TRAK1: variants seen among roughly 807,000 people sequenced by gnomAD.
The protein encoded by TRAK1 is trafficking kinesin-binding protein 1.
In TRAK1, 33 loss-of-function variants were observed where a neutral mutation model predicts 92.1. The observed-to-expected ratio is 0.36, with a 90% CI of 0.27 to 0.48. The LOEUF (loss-of-function observed/expected upper bound fraction) is 0.48. TRAK1 is among the 20% of genes least tolerant of loss of function. TRAK1 has a pLI of 0.99. For missense variants in TRAK1, 1,123 were observed against 1,257.9 expected, an observed-to-expected ratio of 0.89 and a Z score of 1.62; for synonymous variants, 521 against 517.3, an observed-to-expected ratio of 1.01 and a Z score of -0.10.
intron 1 of TRAK1, among the ~76,000 whole-genome samples, chr3:42,068,759 G>GTC (rs1362713537): frequency 6.6e-6 from 1 of 152,228 alleles, no homozygotes; most frequent in Non-Finnish European, 1.5e-5. Flanking sequence ...AGTGGTAACT[G>GTC]TAGAGCAGTC....
At chr3:42,156,646 GAATTAGA>G (rs1304420721) in intron 2 of TRAK1, among the ~76,000 whole-genome samples, 1 of 152,166 alleles carries the variant, frequency 6.6e-6, no homozygotes, top group Non-Finnish European at 1.5e-5. Context: ...TGGAATGATG[GAATTAGA>G]AATTAGAAAT....
chr3:42,084,745 A>G (rs1704593095), upstream of TRAK1, among the ~76,000 whole-genome samples: 1 of 150,998 alleles, frequency 6.6e-6, no homozygotes, highest in South Asian at 2.1e-4. Flanking sequence ...CTAGTGAGGC[A>G]GCTTATCCAT....
chr3:42,110,132 A>ATATATATATATAT (rs58099544), intron 1 of TRAK1, among the ~76,000 whole-genome samples: 203 of 127,930 alleles, frequency 1.6e-3, no homozygotes, highest in African/African-American at 2.0e-3. Flanking sequence ...ATATATATAT[A>ATATATATATATAT]AACTTTGTGT....
intron 1 of TRAK1, among the ~76,000 whole-genome samples, chr3:42,016,356 CA>C (rs757892827): frequency 1.9e-4 from 29 of 152,168 alleles, no homozygotes; most frequent in Non-Finnish European, 3.8e-4. Flanking sequence ...AGGCACCTGC[CA>C]CCACGCCCAG....
intron 1 of TRAK1, among the ~76,000 whole-genome samples, chr3:42,031,258 C>T (rs971068275): frequency 2.0e-5 from 3 of 151,456 alleles, no homozygotes; most frequent in African/African-American, 2.4e-5. Flanking sequence ...AGGCTGGTCT[C>T]GAACGCCTGA....
intron 2 of TRAK1, chr3:42,145,605 CAA>C (rs1185181642): frequency 6.6e-6 from 1 of 152,474 alleles, no homozygotes; most frequent in Admixed American, 6.5e-5. Context: ...TGCTGAAACT[CAA>C]AAACATGTTG....
chr3:42,074,840 C>G (rs573265890), intron 1 of TRAK1, among the ~76,000 whole-genome samples: 1 of 152,178 alleles, frequency 6.6e-6, no homozygotes, highest in African/African-American at 2.4e-5. Context: ...CAATCCTCAC[C>G]CTCCTCCTAC....
intron 1 of TRAK1, among the ~76,000 whole-genome samples, chr3:42,122,489 C>T (rs72869926): frequency 0.02 from 3,112 of 152,196 alleles, 113 homozygotes; most frequent in African/African-American, 0.071. Flanking sequence ...GCACTGCCTT[C>T]TGTGGAGCTG....
In TRAK1 at chr3:42,106,222, G is replaced by A. The variant is rs545018175; in HGVS notation, c.91+14662G>A. Among the ~76,000 whole-genome samples the A allele has an allele frequency of 5.0e-4, 76 of 152,240 alleles. 1 individual carries two copies. The South Asian group carries it at 0.016, about 31-fold the overall frequency. On this transcript the variant is annotated intron_variant, in intron 1 of 15. Coordinates refer to ENST00000327628, the MANE Select transcript of TRAK1 (RefSeq NM_001042646.3). ...ATGCCCCAATTAAAAGACACAGACT[G>A]GCAAATTGGATAAAGAGTCAAGACC...
intron 1 of TRAK1, among the ~76,000 whole-genome samples, chr3:42,028,577 A>G (rs1702002794): frequency 2.0e-5 from 3 of 152,152 alleles, no homozygotes; most frequent in African/African-American, 7.2e-5. Context: ...CAGAGATTGA[A>G]TGGGGATTGA....
At chr3:42,039,042 G>A (rs72867932) in intron 1 of TRAK1, among the ~76,000 whole-genome samples, 15,612 of 151,834 alleles carry the variant, frequency 0.1, 2,745 homozygotes, top group African/African-American at 0.36. Flanking sequence ...TTTATCCCAC[G>A]TAAAACATAA....
intron 11 of TRAK1, 31 bp from the exon 12 acceptor site, chr3:42,200,787 C>T (rs1424854434): frequency 6.2e-7 from 1 of 1,609,858 alleles, no homozygotes; most frequent in Admixed American, 1.7e-5. Flanking sequence ...CCCGCATTTG[C>T]TCACTCACGG....
intron 12 of TRAK1, among the ~76,000 whole-genome samples, chr3:42,201,857 C>CGGAT (rs770838419): frequency 0.021 from 312 of 14,896 alleles, 6 homozygotes; most frequent in Non-Finnish European, 0.034. Context: ...AGAACCTGGA[C>CGGAT]GGACGGACGG....
chr3:42,210,172 C>CAGAGT (rs1221289736), intron 14 of TRAK1, 187 bp downstream of exon 14: 2 of 1,587,470 alleles, frequency 1.3e-6, no homozygotes, highest in African/African-American at 2.7e-5. Context: ...TTCCCGGAGG[C>CAGAGT]AGAGTTTTGG....
In TRAK1 at chr3:42,191,640, T is replaced by C. The variant is rs373590545; in HGVS notation, c.769+4T>C. Reference sequence around the variant, plus strand: ...AATGACTGCGTGAAGGAGCTGAGTATGTCCCCGCACTGCTGTCTTCTTACT... The same window carrying C: ...AATGACTGCGTGAAGGAGCTGAGTACGTCCCCGCACTGCTGTCTTCTTACT... On this transcript the variant is annotated splice_donor_region_variant and intron_variant, in intron 7 of 15. Coordinates refer to ENST00000327628, the MANE Select transcript of TRAK1 (RefSeq NM_001042646.3). The C allele has an allele frequency of 6.3e-7, 1 of 1,596,394 alleles. No homozygotes were observed. Among genetic ancestry groups the C allele is most frequent in the Non-Finnish European group, 8.5e-7 (1 of 1,171,036 alleles).
Position 42,189,529 on chromosome 3 carries a change from T to G in TRAK1, c.690+405T>G, listed in dbSNP as rs557892822. Among the ~76,000 whole-genome samples the G allele has an allele frequency of 2.0e-5, 3 of 152,224 alleles. No homozygotes were observed. The South Asian group carries it at 6.2e-4, about 32-fold the overall frequency. On this transcript the variant is annotated intron_variant, in intron 6 of 15. Coordinates refer to ENST00000327628, the MANE Select transcript of TRAK1 (RefSeq NM_001042646.3). ...GGTGCTCAGAGAGAGCCATATTTCTTTTTCTTTTTTTCTTTTTTTTTGAGA... is the reference window on the plus strand; with the variant it reads ...GGTGCTCAGAGAGAGCCATATTTCTGTTTCTTTTTTTCTTTTTTTTTGAGA...
intron 1 of TRAK1, among the ~76,000 whole-genome samples, chr3:42,029,340 G>A (rs896432632): frequency 1.3e-5 from 2 of 152,190 alleles, no homozygotes; most frequent in African/African-American, 4.8e-5. Flanking sequence ...CTGGGCTTGA[G>A]TGATCCTCCC....
At chr3:42,172,357 C>T (rs1264886613) in intron 2 of TRAK1, among the ~76,000 whole-genome samples, 1 of 152,180 alleles carries the variant, frequency 6.6e-6, no homozygotes, top group Non-Finnish European at 1.5e-5. Flanking sequence ...CTTGTTGTCC[C>T]AGTGAGAAGC....
At chr3:42,184,239 A>G (rs779474855) in intron 3 of TRAK1, among the ~76,000 whole-genome samples, 37 of 152,224 alleles carry the variant, frequency 2.4e-4, no homozygotes, top group Non-Finnish European at 4.9e-4. Context: ...TCTTGGCTTC[A>G]TTGTCAGAGC....
Sources: gnomAD v4.1 joint callset for allele counts (sites outside exome capture counted in the v4.1 genomes callset) on GRCh38, gnomAD v4.1.1 for gene constraint, MANE v1.5 for transcripts, NCBI Gene and HGNC (gene_info 2026-07-23, HGNC 2026-07-21) for gene names.